The following TPRG1 variants were observed in gnomAD, a reference collection of about 807,000 sequenced individuals.
The protein encoded by TPRG1 is tumor protein p63-regulated gene 1 protein.
Under a neutral mutation model 29.3 loss-of-function variants are expected in TPRG1, and 29 were observed. The ratio of observed to expected loss-of-function variants is 0.99; its 90% CI spans 0.74 to 1.35. TPRG1 has a LOEUF of 1.35. TPRG1 is among the 40% of genes most tolerant of loss of function. The pLI is 0.00. For missense variants in TPRG1, 327 were observed against 335.0 expected (o/e 0.98, Z 0.19); for synonymous variants, 130 against 116.8 (o/e 1.11, Z -0.73).
At chr3:189,194,380 G>A (rs548648695) in intron 1 of TPRG1, among the ~76,000 whole-genome samples, 6 of 152,316 alleles carry the variant, frequency 3.9e-5, no homozygotes, top group African/African-American at 9.6e-5. Flanking sequence ...AGCTGCAGTG[G>A]TGCTGGGTTC....
chr3:189,258,560 G>T (rs1301705486), intron 4 of TPRG1, among the ~76,000 whole-genome samples: 1 of 152,220 alleles, frequency 6.6e-6, no homozygotes, highest in Non-Finnish European at 1.5e-5. Flanking sequence ...TCTCGTCAGA[G>T]CTGGCAGGCA....
intron 1 of TPRG1, among the ~76,000 whole-genome samples, chr3:189,106,765 C>T (rs1719875263): frequency 2.0e-5 from 3 of 151,972 alleles, no homozygotes; most frequent in Admixed American, 2.0e-4. Context: ...AAAGAATTTT[C>T]ATGTTTCTGT....
Position 189,274,010 on chromosome 3 carries a change from A to G in TPRG1, c.479+35101A>G, listed in dbSNP as rs530860334. Among the ~76,000 whole-genome samples the G allele has an allele frequency of 4.5e-5, 6 of 134,194 alleles. No individual in the cohort carries two copies. In the East Asian group the frequency reaches 1.2e-3, roughly 28 times the overall value. The allele number at this position is 134,194 out of a possible 152,430, so 88.0% of individuals were successfully genotyped here. A position where few individuals can be genotyped will look rare whatever the true frequency, so the allele number is the denominator to read the frequency against. ...ATAATGTTGTATTTGTCTGGAAGCC[A>G]GTGAAAAAATTATGTTGAATGGCCT... On this transcript the variant is annotated intron_variant, in intron 4 of 5. Transcript: ENST00000345063.
intron 1 of TPRG1, among the ~76,000 whole-genome samples, chr3:189,178,697 T>C (rs1185675210): frequency 6.6e-6 from 1 of 152,228 alleles, no homozygotes; most frequent in Admixed American, 6.5e-5. Context: ...TAATAGCAGA[T>C]GGTATTTAAA....
At chr3:189,314,983 G>A (rs1269510352) in intron 5 of TPRG1, among the ~76,000 whole-genome samples, 1 of 152,034 alleles carries the variant, frequency 6.6e-6, no homozygotes, top group Non-Finnish European at 1.5e-5. Context: ...AAATTAATGA[G>A]ACATGGTGGC....
At chr3:189,275,241 A>T (rs1377697807) in intron 4 of TPRG1, among the ~76,000 whole-genome samples, 1 of 152,228 alleles carries the variant, frequency 6.6e-6, no homozygotes, top group African/African-American at 2.4e-5. Flanking sequence ...TAATAGAATA[A>T]CCATGCAATG....
chr3:189,220,493 T>C (rs1736773649), intron 3 of TPRG1, among the ~76,000 whole-genome samples: 1 of 152,166 alleles, frequency 6.6e-6, no homozygotes, highest in African/African-American at 2.4e-5. Flanking sequence ...AGAGGTAAAA[T>C]TGTGTCATGG....
chr3:189,215,283 T>C lies in TPRG1; in HGVS notation c.211-9T>C. ...GCTCTAAACTAGGTATTTTCTCCTTTCCACACAGCCGGGGGCCATTGAGAC... is the reference window on the plus strand; with the variant it reads ...GCTCTAAACTAGGTATTTTCTCCTTCCCACACAGCCGGGGGCCATTGAGAC... On this transcript the variant is annotated splice_polypyrimidine_tract_variant and intron_variant, in intron 2 of 5. Transcript: ENST00000345063. The C allele has an allele frequency of 6.2e-7, 1 of 1,607,312 alleles. No individual in the cohort carries two copies. The highest frequency in any genetic ancestry group is 2.2e-5 in the East Asian group (1 of 44,678).
chr3:189,135,017 G>C (rs920597135), intron 3 of TPRG1, among the ~76,000 whole-genome samples: 3 of 152,214 alleles, frequency 2.0e-5, no homozygotes, highest in African/African-American at 7.2e-5. Flanking sequence ...AGTTTTACTG[G>C]TTAAATGCAT....
chr3:189,179,284 T>C (rs536841037), intron 1 of TPRG1, among the ~76,000 whole-genome samples: 1 of 152,330 alleles, frequency 6.6e-6, no homozygotes, highest in South Asian at 2.1e-4. Context: ...TAAGCAGGCA[T>C]GGACATATTA....
At chr3:189,121,879 A>T (rs1240445841) in intron 1 of TPRG1, 1 of 152,180 alleles carries the variant, frequency 6.6e-6, no homozygotes, top group East Asian at 1.9e-4. Context: ...TTTAAATTGG[A>T]CATGTTATGT....
intron 4 of TPRG1, among the ~76,000 whole-genome samples, chr3:189,277,221 G>A (rs934128764): frequency 3.9e-5 from 6 of 152,180 alleles, no homozygotes; most frequent in Non-Finnish European, 7.3e-5. Flanking sequence ...AAAGCATTGA[G>A]TGTGTGATGG....
intron 4 of TPRG1, among the ~76,000 whole-genome samples, chr3:189,033,227 GA>G (rs1007586334): frequency 4.7e-4 from 70 of 149,884 alleles, no homozygotes; most frequent in African/African-American, 1.6e-3. Context: ...TATTACTACA[GA>G]AAAAAAGGAG....
upstream of TPRG1, among the ~76,000 whole-genome samples, chr3:189,168,552 G>C (rs1728427568): frequency 6.6e-6 from 1 of 152,160 alleles, no homozygotes; most frequent in Non-Finnish European, 1.5e-5. Context: ...TCTTGTTTAA[G>C]ACATGGTCCT....
At chr3:189,156,325 C>T (rs529930283) in intron 5 of TPRG1, among the ~76,000 whole-genome samples, 5 of 151,750 alleles carry the variant, frequency 3.3e-5, no homozygotes, top group African/African-American at 1.2e-4. Context: ...GAACACAGCC[C>T]TACAGATGCC....
intron 4 of TPRG1, among the ~76,000 whole-genome samples, chr3:189,080,298 G>T (rs905060742): frequency 2.6e-5 from 4 of 152,096 alleles, no homozygotes; most frequent in African/African-American, 9.7e-5. Context: ...AGAGAACAAA[G>T]ACCACTCCTC....
intron 5 of TPRG1, among the ~76,000 whole-genome samples, chr3:189,166,433 C>T (rs1287097489): frequency 6.6e-6 from 1 of 152,172 alleles, no homozygotes; most frequent in African/African-American, 2.4e-5. Flanking sequence ...CTAGAAGAGA[C>T]CTCACTTTGA....
At chr3:189,045,461 C>T (rs1348424574) in intron 4 of TPRG1, among the ~76,000 whole-genome samples, 2 of 152,134 alleles carry the variant, frequency 1.3e-5, no homozygotes, top group African/African-American at 4.8e-5. Context: ...GATGGCAGCT[C>T]TTGGAATTAG....
intron 4 of TPRG1, among the ~76,000 whole-genome samples, chr3:189,286,165 A>G (rs1206146211): frequency 1.3e-5 from 2 of 152,042 alleles, no homozygotes; most frequent in East Asian, 1.9e-4. Context: ...TTAGAATGCT[A>G]TTCCCCAGAT....
Sources: allele counts gnomAD v4.1 joint callset (sites outside exome capture counted in the v4.1 genomes callset), GRCh38; gene constraint gnomAD v4.1.1; transcripts MANE v1.5; gene names NCBI Gene and HGNC (gene_info 2026-07-23, HGNC 2026-07-21).